Variants in EPN2 observed in about 807,000 individuals in gnomAD.
EPN2 encodes the protein epsin 2, also known as epsin-2.
EPN2 carries 34 observed loss-of-function variants against 61.7 expected under a neutral mutation model. The ratio of observed to expected loss-of-function variants is 0.55; its 90% CI spans 0.42 to 0.73. The LOEUF (loss-of-function observed/expected upper bound fraction) is 0.73, where lower values mean the gene tolerates loss of function less well. EPN2 is among the 30% of genes least tolerant of loss of function. The pLI, the probability that EPN2 is intolerant of heterozygous loss-of-function variation, is 0.00. For missense variants in EPN2, 714 were observed against 839.2 expected (o/e 0.85, Z 1.84); for synonymous variants, 349 against 353.6 (o/e 0.99, Z 0.15).
intron 1 of EPN2, among the ~76,000 whole-genome samples, chr17:19,280,312 A>G (rs548151698): frequency 6.8e-4 from 103 of 152,292 alleles, no homozygotes; most frequent in African/African-American, 2.4e-3. Flanking sequence ...TTTGACACAT[A>G]TTTGCCCTTT....
intron 1 of EPN2, among the ~76,000 whole-genome samples, chr17:19,275,271 C>T (rs1238124969): frequency 6.6e-6 from 1 of 152,226 alleles, no homozygotes; most frequent in Non-Finnish European, 1.5e-5. Flanking sequence ...TGCCTTTCTA[C>T]CTCTGGTTCT....
At chr17:19,308,485 C>A (rs1905962184) in intron 4 of EPN2, 1 of 985,286 alleles carries the variant, frequency 1.0e-6, no homozygotes, top group African/African-American at 1.7e-5. Flanking sequence ...CTCCACCCAA[C>A]AGGTGTTTGT....
chr17:19,277,826 A>G (rs1444315088), intron 1 of EPN2, among the ~76,000 whole-genome samples: 1 of 152,112 alleles, frequency 6.6e-6, no homozygotes, highest in African/African-American at 2.4e-5. Context: ...TAATCCCAGC[A>G]CTCTGGGAGG....
At chr17:19,287,761 C>A (rs188404987) in intron 4 of EPN2, among the ~76,000 whole-genome samples, 1 of 152,138 alleles carries the variant, frequency 6.6e-6, no homozygotes, top group African/African-American at 2.4e-5. Flanking sequence ...GCTCAGAAGC[C>A]CTCTTCACAT....
chr17:19,264,455 A>G (rs2045175186), intron 1 of EPN2, among the ~76,000 whole-genome samples: 1 of 152,172 alleles, frequency 6.6e-6, no homozygotes, highest in Non-Finnish European at 1.5e-5. Context: ...TGAAGCAGAA[A>G]GTGCAGCCTT....
chr17:19,254,712 G>A (rs1219771155), intron 1 of EPN2, among the ~76,000 whole-genome samples: 1 of 152,106 alleles, frequency 6.6e-6, no homozygotes, highest in East Asian at 1.9e-4. Flanking sequence ...TTGAGGATGA[G>A]TAGTGGCCTT....
chr17:19,238,288 C>T (rs1039663062), intron 1 of EPN2, among the ~76,000 whole-genome samples: 27 of 152,208 alleles, frequency 1.8e-4, no homozygotes, highest in African/African-American at 6.5e-4. Context: ...GAGAGACTTC[C>T]TCTCTCTCCC....
At chr17:19,325,467 T>G (rs1233530131) in intron 7 of EPN2, among the ~76,000 whole-genome samples, 1 of 152,126 alleles carries the variant, frequency 6.6e-6, no homozygotes, top group African/African-American at 2.4e-5. Context: ...TATTAACAGA[T>G]TAAAACAGAA....
intron 8 of EPN2, 49 bp downstream of exon 8, chr17:19,328,936 G>A (rs747151175): frequency 1.3e-5 from 20 of 1,533,324 alleles, no homozygotes; most frequent in Non-Finnish European, 1.5e-5. Flanking sequence ...GAGCGCCCAC[G>A]GGCCCTGCAG....
intron 5 of EPN2, among the ~76,000 whole-genome samples, chr17:19,311,477 A>C (rs1028789164): frequency 1.3e-5 from 2 of 152,066 alleles, no homozygotes; most frequent in South Asian, 2.1e-4. Flanking sequence ...AAAAGAAAAA[A>C]TACAAGGAAT....
intron 4 of EPN2, among the ~76,000 whole-genome samples, chr17:19,300,620 G>T (rs1464096840): frequency 1.3e-5 from 2 of 151,986 alleles, no homozygotes; most frequent in Admixed American, 1.3e-4. Flanking sequence ...TAGAGACGGG[G>T]TTTCTCCATG....
intron 1 of EPN2, among the ~76,000 whole-genome samples, chr17:19,245,468 A>G (rs2044935414): frequency 6.9e-6 from 1 of 143,948 alleles, no homozygotes; most frequent in African/African-American, 2.6e-5. Flanking sequence ...GCTGGAGTGC[A>G]GTGGCGGGAT....
At position 19,335,707 on chromosome 17, in the gene EPN2, C is replaced by A. The variant is rs1381193978; in HGVS notation, c.*1453C>A. On this transcript the variant is annotated 3_prime_UTR_variant, in exon 11 of 11. Coordinates refer to ENST00000314728, the MANE Select transcript of EPN2 (RefSeq NM_014964.5). Reference sequence around the variant, plus strand: ...TTAAGTTGGAGACCTAAAAATAATTCTCTTGTATTTTGGAGATGAAGAAAA... The same window carrying A: ...TTAAGTTGGAGACCTAAAAATAATTATCTTGTATTTTGGAGATGAAGAAAA... 7.8e-6 allele frequency: 3 copies of A among 383,684 alleles called. No individual in the cohort carries two copies. The highest frequency in any genetic ancestry group is 1.4e-5 in the Non-Finnish European group (3 of 216,318). 23.8% of individuals were successfully genotyped at this position (383,684 alleles called of 1,614,324 possible).
intron 4 of EPN2, among the ~76,000 whole-genome samples, chr17:19,301,937 C>CT (rs1363230476): frequency 1.3e-5 from 2 of 152,248 alleles, no homozygotes; most frequent in Non-Finnish European, 2.9e-5. Context: ...TGCAAAGCCC[C>CT]TTTAGGGTGC....
chr17:19,305,695 G>A (rs1317399171), intron 4 of EPN2, among the ~76,000 whole-genome samples: 1 of 152,176 alleles, frequency 6.6e-6, no homozygotes, highest in Non-Finnish European at 1.5e-5. Flanking sequence ...TTGGGAAAGG[G>A]TGTCTCTCCC....
At chr17:19,250,109 T>C (rs1450946631) in intron 1 of EPN2, among the ~76,000 whole-genome samples, 1 of 152,094 alleles carries the variant, frequency 6.6e-6, no homozygotes, top group Non-Finnish European at 1.5e-5. Context: ...TTTTTTTTTT[T>C]TTCAGACGGA....
At chr17:19,303,551 C>T (rs1905646001) in intron 4 of EPN2, among the ~76,000 whole-genome samples, 1 of 152,220 alleles carries the variant, frequency 6.6e-6, no homozygotes, top group Non-Finnish European at 1.5e-5. Context: ...CGGCTAGAGT[C>T]TGGATTCTGT....
intron 7 of EPN2, among the ~76,000 whole-genome samples, chr17:19,326,109 T>G (rs1228153192): frequency 6.6e-6 from 1 of 152,172 alleles, no homozygotes; most frequent in Non-Finnish European, 1.5e-5. Flanking sequence ...GACCAAAAGA[T>G]ATTAAAACTT....
intron 7 of EPN2, among the ~76,000 whole-genome samples, chr17:19,317,271 C>T (rs1018090804): frequency 6.6e-6 from 1 of 152,228 alleles, no homozygotes; most frequent in Admixed American, 6.5e-5. Context: ...AGATTGGAGC[C>T]TGCCAGGTCA....
Sources: gnomAD v4.1 joint callset for allele counts (sites outside exome capture counted in the v4.1 genomes callset) on GRCh38, gnomAD v4.1.1 for gene constraint, MANE v1.5 for transcripts, NCBI Gene and HGNC (gene_info 2026-07-23, HGNC 2026-07-21) for gene names.